ACTN2: variants seen among roughly 807,000 people sequenced by gnomAD.
ACTN2 encodes the protein alpha-actinin-2.
Under a neutral mutation model 113.8 loss-of-function variants are expected in ACTN2, and 39 were observed. That is an observed-to-expected ratio of 0.34 (90% confidence interval 0.27 to 0.45). The LOEUF (loss-of-function observed/expected upper bound fraction) is 0.45, where lower values mean the gene tolerates loss of function less well. ACTN2 is among the 20% of genes least tolerant of loss of function. The probability of loss-of-function intolerance (pLI) is 1.00; values close to 1 mark genes in which losing one functional copy is unlikely to be tolerated. For synonymous variants in ACTN2, 429 were observed against 444.1 expected, an observed-to-expected ratio of 0.97 and a Z score of 0.43; for missense variants, 992 against 1,177.9, an observed-to-expected ratio of 0.84 and a Z score of 2.31.
chr1:236,735,122 C>T (rs1223460444), intron 7 of ACTN2, among the ~76,000 whole-genome samples: 3 of 152,188 alleles, frequency 2.0e-5, no homozygotes, highest in Admixed American at 1.3e-4. Context: ...GAATTTCATC[C>T]TCACGCAAGG....
intron 7 of ACTN2, among the ~76,000 whole-genome samples, chr1:236,735,228 A>C (rs1658832385): frequency 6.6e-6 from 1 of 152,292 alleles, no homozygotes; most frequent in Non-Finnish European, 1.5e-5. Context: ...TATTCCCCGC[A>C]TCTTGCAAAG....
At chr1:236,695,016 T>G (rs751782095) in intron 1 of ACTN2, among the ~76,000 whole-genome samples, 1 of 152,012 alleles carries the variant, frequency 6.6e-6, no homozygotes, top group Non-Finnish European at 1.5e-5. Flanking sequence ...CAGTGAGCTA[T>G]GATGGCACCA....
chr1:236,739,251 G>A (rs771764905), intron 9 of ACTN2, 51 bp from the exon 10 acceptor site: 1 of 1,577,456 alleles, frequency 6.3e-7, no homozygotes, highest in Admixed American at 1.7e-5. Flanking sequence ...TTTTAACTGG[G>A]GGAGGGGGCT....
chr1:236,735,607 C>T (rs568429096), intron 7 of ACTN2, 28 bp from the exon 8 acceptor site: 29 of 1,576,216 alleles, frequency 1.8e-5, no homozygotes, highest in Admixed American at 6.7e-5. Flanking sequence ...TGTGTGCGCG[C>T]GTCCTGTGTT....
At chr1:236,735,255 GAGC>G (rs1467257656) in intron 7 of ACTN2, among the ~76,000 whole-genome samples, 1 of 152,196 alleles carries the variant, frequency 6.6e-6, no homozygotes, top group Non-Finnish European at 1.5e-5. Context: ...GCGTTCCCCA[GAGC>G]AGAGGGGCCG....
intron 6 of ACTN2, 132 bp from the exon 7 acceptor site, chr1:236,731,101 G>A (rs1036428428): frequency 1.5e-6 from 1 of 667,874 alleles, no homozygotes; most frequent in Non-Finnish European, 2.6e-6. Flanking sequence ...AGATGAAAAG[G>A]AAAGTTACAC....
chr1:236,737,050 C>T, intron 8 of ACTN2, 72 bp from the exon 9 acceptor site: 2 of 1,307,168 alleles, frequency 1.5e-6, no homozygotes, highest in Non-Finnish European at 2.2e-6. Flanking sequence ...CTCTCATCAC[C>T]CACCTCGTTC....
intron 1 of ACTN2, among the ~76,000 whole-genome samples, chr1:236,689,918 A>G (rs1666019967): frequency 6.6e-6 from 1 of 152,244 alleles, no homozygotes; most frequent in Non-Finnish European, 1.5e-5. Flanking sequence ...TATCTTCACA[A>G]GCTCAGGACG....
intron 11 of ACTN2, 53 bp from the exon 12 acceptor site, chr1:236,744,573 G>C: frequency 3.1e-6 from 5 of 1,604,766 alleles, no homozygotes; most frequent in African/African-American, 1.3e-5. Flanking sequence ...GCTGGCATGA[G>C]GAAGCCGCTG....
Position 236,761,041 on chromosome 1 carries a change from G to T in ACTN2, c.2394G>T (p.Met798Ile). Residue 798 changes from methionine (M) to isoleucine (I), a missense_variant, in exon 20 of 21, where the codon ATG (methionine) becomes ATT (isoleucine). Transcript: ENST00000366578. ...GTGAAGCCGAATTTGCCCGCATTAT[G>T]ACCCTGGTAGATCCCAACGGGCAAG... is the stretch of plus-strand genomic sequence containing the variant. ...DLGEAEFARI[M>I]TLVDPNGQGT... The T allele has an allele frequency of 3.7e-6, 6 of 1,614,136 alleles. No individual in the cohort carries two copies. Among genetic ancestry groups the T allele is most frequent in the Non-Finnish European group, 5.1e-6 (6 of 1,180,042 alleles).
chr1:236,712,370 C>CT (rs1482403357), intron 1 of ACTN2, among the ~76,000 whole-genome samples: 1 of 152,060 alleles, frequency 6.6e-6, no homozygotes, highest in African/African-American at 2.4e-5. Context: ...CAGCTGGAGT[C>CT]TTTTTTCTGC....
chr1:236,711,353 T>C (rs1233786541), intron 1 of ACTN2, among the ~76,000 whole-genome samples: 1 of 152,170 alleles, frequency 6.6e-6, no homozygotes, highest in Non-Finnish European at 1.5e-5. Flanking sequence ...CATGTCTTTT[T>C]ATTTTTTATT....
In ACTN2 at chr1:236,748,991, A is replaced by G. The variant is rs571567446; in HGVS notation, c.1516-133A>G. On this transcript the variant is annotated intron_variant, in intron 13 of 20. Transcript: ENST00000366578. ...AGCCTAATTGTTTGAGCATCGGGTA[A>G]TCTTTTGTAGACACATGCTAATACG... is the stretch of plus-strand genomic sequence containing the variant. 19 of 1,056,124 alleles carry G rather than the reference A, an allele frequency of 1.8e-5. No individual in the cohort carries two copies. In the Admixed American group the frequency reaches 1.8e-4, roughly 10 times the overall value. 65.4% of individuals were successfully genotyped at this position (1,056,124 alleles called of 1,614,324 possible). A position where few individuals can be genotyped will look rare whatever the true frequency, so the allele number is the denominator to read the frequency against.
intron 12 of ACTN2, among the ~76,000 whole-genome samples, chr1:236,746,165 C>CAAAAAAAAAAAAAAAAAA (rs55953102): frequency 5.0e-5 from 4 of 80,406 alleles, no homozygotes; most frequent in Admixed American, 1.5e-4. Context: ...GACTCCATCT[C>CAAAAAAAAAAAAAAAAAA]AAAAAAAAAA....
chr1:236,745,343 A>T (rs550794460), intron 12 of ACTN2, among the ~76,000 whole-genome samples: 1 of 152,284 alleles, frequency 6.6e-6, no homozygotes, highest in East Asian at 1.9e-4. Flanking sequence ...CTGAGGCAGG[A>T]GAATGGTGTG....
At chr1:236,737,314 T>TATATATATATATATATATATATATATAA in intron 9 of ACTN2, 100 bp downstream of exon 9, 1 of 303,958 alleles carries the variant, frequency 3.3e-6, no homozygotes, top group Non-Finnish European at 6.7e-6. Context: ...TATATATATA[T>TATATATATATATATATATATATATATAA]ATATTTTGCA....
chr1:236,762,374 CAG>C, intron 20 of ACTN2, 85 bp from the exon 21 acceptor site: 1 of 1,558,334 alleles, frequency 6.4e-7, no homozygotes, highest in Non-Finnish European at 8.8e-7. Flanking sequence ...AAAAATTAAA[CAG>C]ATGCAAGAAA....
At chr1:236,749,067 C>G in intron 13 of ACTN2, 57 bp from the exon 14 acceptor site, 1 of 1,595,916 alleles carries the variant, frequency 6.3e-7, no homozygotes. Context: ...CCTACTTACA[C>G]TTTCAGTGAA....
chr1:236,713,409 T>A (rs1658107075), intron 1 of ACTN2, among the ~76,000 whole-genome samples: 1 of 152,160 alleles, frequency 6.6e-6, no homozygotes, highest in Admixed American at 6.5e-5. Flanking sequence ...GTATTTTTTG[T>A]AGAGACAGGG....
Sources: gnomAD v4.1 joint callset for allele counts (sites outside exome capture counted in the v4.1 genomes callset) on GRCh38, gnomAD v4.1.1 for gene constraint, MANE v1.5 for transcripts, NCBI Gene and HGNC (gene_info 2026-07-23, HGNC 2026-07-21) for gene names.